LYZL4: variants seen among roughly 807,000 people sequenced by gnomAD.
The protein encoded by LYZL4 is lysozyme like 4.
LYZL4 carries 13 observed loss-of-function variants against 17.6 expected under a neutral mutation model. That is an observed-to-expected ratio of 0.74 (90% CI 0.48 to 1.18). The LOEUF (loss-of-function observed/expected upper bound fraction) is 1.18, where lower values mean the gene tolerates loss of function less well. LYZL4 is among the 50% of genes most tolerant of loss of function. The probability of loss-of-function intolerance (pLI) is 0.00; values close to 1 mark genes in which losing one functional copy is unlikely to be tolerated. For synonymous variants in LYZL4, 64 were observed against 67.7 expected, an observed-to-expected ratio of 0.95 and a Z score of 0.27; for missense variants, 174 against 188.2, an observed-to-expected ratio of 0.92 and a Z score of 0.44.
chr3:42,405,745 G>A (rs75284711), intron 3 of LYZL4, among the ~76,000 whole-genome samples: 2,794 of 152,134 alleles, frequency 0.018, 85 homozygotes, highest in African/African-American at 0.063. Context: ...CTCAGGAGCC[G>A]CACTGCTTAG....
chr3:42,397,392 G>C, intron 4 of LYZL4, 58 bp from the exon 5 acceptor site: 6 of 1,242,006 alleles, frequency 4.8e-6, no homozygotes, highest in Non-Finnish European at 6.9e-6. Context: ...GGTCTCCAGG[G>C]CTTCACAGCC....
chr3:42,364,341 CTTTTT>C, the LYZL4 span, among the ~76,000 whole-genome samples: 4 of 119,892 alleles, frequency 3.3e-5, no homozygotes, highest in Non-Finnish European at 6.7e-5. Context: ...TTTTTCTTTT[CTTTTT>C]TTTTTTTTTT....
At chr3:42,400,585 C>A (rs142098542) in intron 4 of LYZL4, among the ~76,000 whole-genome samples, 5 of 152,272 alleles carry the variant, frequency 3.3e-5, no homozygotes, top group African/African-American at 1.2e-4. Flanking sequence ...ATCTTCTATT[C>A]TAAGATTCAT....
the LYZL4 span, among the ~76,000 whole-genome samples, chr3:42,386,668 T>A: frequency 6.6e-6 from 1 of 152,250 alleles, no homozygotes; most frequent in Non-Finnish European, 1.5e-5. Context: ...CTCTCCCTTT[T>A]AAAAATGTTT....
the LYZL4 span, among the ~76,000 whole-genome samples, chr3:42,391,145 C>T: frequency 1.2e-3 from 178 of 152,262 alleles, no homozygotes; most frequent in Middle Eastern, 0.014. Context: ...GGGCCCCTTT[C>T]AATGCATATC....
chr3:42,399,745 T>TA (rs924963134), intron 4 of LYZL4, among the ~76,000 whole-genome samples: 1 of 152,082 alleles, frequency 6.6e-6, no homozygotes, highest in African/African-American at 2.4e-5. Context: ...AATTTAAAAG[T>TA]AAAAATGTTA....
the LYZL4 span, among the ~76,000 whole-genome samples, chr3:42,365,035 G>A: frequency 6.6e-6 from 1 of 152,168 alleles, no homozygotes; most frequent in Non-Finnish European, 1.5e-5. Flanking sequence ...GCCAAACTAT[G>A]TTCATCTTCA....
chr3:42,396,657 T>C (rs374021252), downstream of LYZL4, among the ~76,000 whole-genome samples: 5 of 152,380 alleles, frequency 3.3e-5, no homozygotes, highest in South Asian at 8.3e-4. Context: ...ACTGAGATTA[T>C]AGGAAAATTT....
downstream of LYZL4, among the ~76,000 whole-genome samples, chr3:42,396,016 C>A (rs535347656): frequency 6.6e-6 from 1 of 151,942 alleles, no homozygotes; most frequent in Non-Finnish European, 1.5e-5. Flanking sequence ...GAGCCGAGAT[C>A]GCGCCATTGC....
At chr3:42,377,289 A>C in the LYZL4 span, among the ~76,000 whole-genome samples, 1 of 152,198 alleles carries the variant, frequency 6.6e-6, no homozygotes, top group African/African-American at 2.4e-5. Flanking sequence ...CTGTCTGCCT[A>C]TGGGGTAGAT....
Position 42,407,204 on chromosome 3 carries a change from TG to T in LYZL4, c.47del (p.Pro16GlnfsTer85), listed in dbSNP as rs1698774074. 6.2e-7 allele frequency: 1 copy of T among 1,614,170 alleles called. No individual in the cohort carries two copies. ...AACGCCCCAAGATGTAAGCACCACT[TG>T]GAACCACCAGGTAGCCAAGGAGGGA... ...VLSLLGYLVV[P>X]SGAYILGRCT... On this transcript the variant is annotated frameshift_variant, in exon 2 of 5. Coordinates refer to ENST00000287748, the MANE Select transcript of LYZL4 (RefSeq NM_144634.4). LOFTEE classifies it high-confidence loss of function.
chr3:42,384,739 T>C, the LYZL4 span, among the ~76,000 whole-genome samples: 1 of 152,234 alleles, frequency 6.6e-6, no homozygotes, highest in South Asian at 2.1e-4. Context: ...AAGCCAAACA[T>C]TGATGGAACC....
At chr3:42,367,829 T>C in the LYZL4 span, among the ~76,000 whole-genome samples, 2 of 152,142 alleles carry the variant, frequency 1.3e-5, no homozygotes, top group African/African-American at 4.8e-5. Context: ...AAAATATTCA[T>C]TACAAAAGAA....
chr3:42,383,034 C>T, the LYZL4 span, among the ~76,000 whole-genome samples: 1 of 152,142 alleles, frequency 6.6e-6, no homozygotes, highest in South Asian at 2.1e-4. Context: ...TTCCTTTCCA[C>T]TCCACACAAC....
chr3:42,401,558 T>C (rs1215360821), intron 4 of LYZL4, among the ~76,000 whole-genome samples: 1 of 152,126 alleles, frequency 6.6e-6, no homozygotes, highest in Middle Eastern at 3.4e-3. Context: ...TACTGCAGGA[T>C]CCAGAAGTAA....
chr3:42,365,488 C>T, the LYZL4 span, among the ~76,000 whole-genome samples: 2 of 152,184 alleles, frequency 1.3e-5, no homozygotes, highest in Non-Finnish European at 2.9e-5. Flanking sequence ...TCTCATCCTC[C>T]TTGGACCAAC....
Position 42,406,916 on chromosome 3 carries a change from GCCAAAGCCAGTGTAGC to G in LYZL4, c.206_221del (p.Gly69AlafsTer27). ...AGTCACTGCCACGCATCTGAAAGAG[GCCAAAGCCAGTGTAGC>G]CCTCACGTGTGTTCTCGTAGATGGC... On this transcript the variant is annotated frameshift_variant, in exon 3 of 5. Coordinates refer to ENST00000287748, the MANE Select transcript of LYZL4 (RefSeq NM_144634.4). LOFTEE classifies it high-confidence loss of function. 6.2e-7 allele frequency: 1 copy of G among 1,614,200 alleles called. No homozygotes were observed. Among genetic ancestry groups the G allele is most frequent in the Non-Finnish European group, 8.5e-7 (1 of 1,180,028 alleles).
At chr3:42,377,497 T>C in the LYZL4 span, among the ~76,000 whole-genome samples, 1 of 152,060 alleles carries the variant, frequency 6.6e-6, no homozygotes, top group Non-Finnish European at 1.5e-5. Context: ...CACAGAGTGA[T>C]AGGGAAAAAC....
the LYZL4 span, among the ~76,000 whole-genome samples, chr3:42,389,820 CG>C: frequency 6.6e-6 from 1 of 152,104 alleles, no homozygotes; most frequent in African/African-American, 2.4e-5. Flanking sequence ...AATCCATAAG[CG>C]GGATTCCTAT....
Sources: gnomAD v4.1 joint callset for allele counts (sites outside exome capture counted in the v4.1 genomes callset) on GRCh38, gnomAD v4.1.1 for gene constraint, MANE v1.5 for transcripts, NCBI Gene and HGNC (gene_info 2026-07-23, HGNC 2026-07-21) for gene names.